TNPO3: variants seen among roughly 807,000 people sequenced by gnomAD.
TNPO3 encodes the protein transportin 3, also known as transportin-3.
Under a neutral mutation model 122.8 loss-of-function variants are expected in TNPO3, and 65 were observed. That is an observed-to-expected ratio of 0.53 (90% CI 0.43 to 0.65). The LOEUF (loss-of-function observed/expected upper bound fraction) is 0.65. Ranked by LOEUF, TNPO3 falls within the 30% of genes least tolerant of loss-of-function variation. The pLI, the probability that TNPO3 is intolerant of heterozygous loss-of-function variation, is 0.00. For synonymous variants in TNPO3, 372 were observed against 411.2 expected (o/e 0.90, Z 1.15); for missense variants, 850 against 1,136.7 (o/e 0.75, Z 3.63).
intron 13 of TNPO3, among the ~76,000 whole-genome samples, chr7:128,983,583 A>C (rs1420059707): frequency 6.6e-6 from 1 of 152,220 alleles, no homozygotes; most frequent in East Asian, 1.9e-4. Flanking sequence ...ATAGCCCATC[A>C]ATCTTATTAA....
intron 21 of TNPO3, among the ~76,000 whole-genome samples, chr7:128,963,625 A>AT: frequency 6.6e-6 from 1 of 152,322 alleles, no homozygotes; most frequent in East Asian, 1.9e-4. Flanking sequence ...AAAGTGAGTT[A>AT]TTTCTGGGGC....
At chr7:128,967,224 A>C in intron 21 of TNPO3, 56 bp downstream of exon 21, 1 of 1,099,290 alleles carries the variant, frequency 9.1e-7, no homozygotes, top group Admixed American at 1.8e-5. Context: ...ATAAGAAATA[A>C]AGATATGTTT....
intron 12 of TNPO3, among the ~76,000 whole-genome samples, 161 bp from the exon 13 acceptor site, chr7:128,984,420 A>T (rs548564608): frequency 2.6e-5 from 4 of 152,346 alleles, no homozygotes; most frequent in African/African-American, 9.6e-5. Flanking sequence ...TGTTATTTAC[A>T]GTTGTTTTTT....
chr7:129,050,405 TGG>T (rs371726083), intron 1 of TNPO3, among the ~76,000 whole-genome samples: 2 of 95,958 alleles, frequency 2.1e-5, no homozygotes, highest in Non-Finnish European at 4.6e-5. Flanking sequence ...AAAAAAAGGG[TGG>T]GGGGGGAATC....
chr7:128,990,865 A>T (rs996763811), intron 10 of TNPO3, among the ~76,000 whole-genome samples: 3 of 152,222 alleles, frequency 2.0e-5, no homozygotes, highest in Non-Finnish European at 2.9e-5. Flanking sequence ...TAAAATGTAA[A>T]TAATATCCTG....
chr7:129,055,613 T>C (rs1305833259), upstream of TNPO3: 1 of 164,350 alleles, frequency 6.1e-6, no homozygotes, highest in Non-Finnish European at 1.3e-5. Context: ...TCCCCTTTAC[T>C]TAGTTCTTAA....
intron 4 of TNPO3, among the ~76,000 whole-genome samples, chr7:129,010,738 C>T (rs1803096605): frequency 6.6e-6 from 1 of 152,094 alleles, no homozygotes; most frequent in African/African-American, 2.4e-5. Context: ...TATATTCTAG[C>T]CCAAAATATT....
intron 20 of TNPO3, among the ~76,000 whole-genome samples, chr7:128,969,124 A>G (rs530958957): frequency 3.3e-5 from 5 of 152,306 alleles, no homozygotes; most frequent in South Asian, 4.1e-4. Context: ...GCACTTAACA[A>G]TATGCTTACA....
chr7:128,973,804 G>A (rs1201701332), intron 18 of TNPO3, among the ~76,000 whole-genome samples: 26 of 50,046 alleles, frequency 5.2e-4, no homozygotes, highest in Admixed American at 1.7e-3. Flanking sequence ...TCTATCAACT[G>A]AAAAAAAAAA....
At chr7:129,053,318 ACT>A (rs1491361249) in intron 1 of TNPO3, among the ~76,000 whole-genome samples, 1 of 147,280 alleles carries the variant, frequency 6.8e-6, no homozygotes, top group Non-Finnish European at 1.5e-5. Flanking sequence ...ACAGAGCCAG[ACT>A]CTGTCTCAAG....
At chr7:129,010,177 A>G (rs1803030428) in intron 4 of TNPO3, among the ~76,000 whole-genome samples, 2 of 152,132 alleles carry the variant, frequency 1.3e-5, no homozygotes, top group African/African-American at 4.8e-5. Flanking sequence ...TGAAATTATT[A>G]TTATTTTTAG....
intron 9 of TNPO3, among the ~76,000 whole-genome samples, chr7:128,992,478 G>GT (rs1376668301): frequency 6.6e-6 from 1 of 152,020 alleles, no homozygotes; most frequent in Non-Finnish European, 1.5e-5. Context: ...CATTTCTATT[G>GT]TTTTAACTAC....
chr7:129,011,183 T>A (rs1017008694), intron 4 of TNPO3, among the ~76,000 whole-genome samples: 1 of 152,034 alleles, frequency 6.6e-6, no homozygotes, highest in African/African-American at 2.4e-5. Context: ...GGAGAGGCAA[T>A]CAGAAAATCA....
At position 129,019,064 on chromosome 7, in the gene TNPO3, CAT is replaced by C. The variant is rs556626133; in HGVS notation, c.121-909_121-908del. Among the ~76,000 whole-genome samples the C allele has an allele frequency of 4.6e-4, 70 of 152,270 alleles. No homozygotes were observed. In the Middle Eastern group the frequency reaches 0.027, roughly 60 times the overall value. On this transcript the variant is annotated intron_variant, in intron 1 of 22. Coordinates refer to ENST00000265388, the MANE Select transcript of TNPO3 (RefSeq NM_012470.4). ...TATTACTACTTGGCAAAGTGCTACACATGTTACTGAAATCATTTTCAATGGAA... is the reference window on the plus strand; with the variant it reads ...TATTACTACTTGGCAAAGTGCTACACGTTACTGAAATCATTTTCAATGGAA...
chr7:129,003,459 C>T (rs1045982197), intron 5 of TNPO3, among the ~76,000 whole-genome samples: 2 of 151,452 alleles, frequency 1.3e-5, no homozygotes, highest in Non-Finnish European at 2.9e-5. Flanking sequence ...TGCTTGAGGC[C>T]GGTTCAAGAC....
At position 128,978,968 on chromosome 7, in the gene TNPO3, A is replaced by C. The variant is rs755270734; in HGVS notation, c.2061+15T>G. On this transcript the variant is annotated intron_variant, in intron 16 of 22. Coordinates refer to ENST00000265388, the MANE Select transcript of TNPO3 (RefSeq NM_012470.4). ...CTGTACATGGAACACGTCCCCCCGC[A>C]ACAGATAACTTTACCTGTGTGACTA... 1.9e-6 allele frequency: 3 copies of C among 1,613,530 alleles called. No homozygotes were observed. The highest frequency in any genetic ancestry group is 1.3e-5 in the African/African-American group (1 of 74,872).
chr7:129,009,362 A>G (rs1381070463), intron 4 of TNPO3, among the ~76,000 whole-genome samples: 2 of 152,220 alleles, frequency 1.3e-5, no homozygotes, highest in Non-Finnish European at 2.9e-5. Context: ...TGTGCAGGAA[A>G]CTAAATGAGA....
intron 21 of TNPO3, among the ~76,000 whole-genome samples, chr7:128,965,061 GACA>G (rs959325117): frequency 6.6e-6 from 1 of 152,042 alleles, no homozygotes; most frequent in African/African-American, 2.4e-5. Flanking sequence ...ACACCAAACA[GACA>G]ACAAAAGCAA....
intron 7 of TNPO3, among the ~76,000 whole-genome samples, chr7:129,000,210 A>G (rs1254932845): frequency 1.3e-5 from 2 of 152,212 alleles, no homozygotes; most frequent in Admixed American, 6.5e-5. Context: ...TGAGGGGCCT[A>G]CAACAGCCCA....
Sources: allele counts gnomAD v4.1 joint callset (sites outside exome capture counted in the v4.1 genomes callset), GRCh38; gene constraint gnomAD v4.1.1; transcripts MANE v1.5; gene names NCBI Gene and HGNC (gene_info 2026-07-23, HGNC 2026-07-21).